Variants in ZNF618 observed in about 807,000 individuals in gnomAD.
The protein encoded by ZNF618 is neural precursor cell expressed, developmentally down-regulated 10.
Under a neutral mutation model 103.0 loss-of-function variants are expected in ZNF618, and 34 were observed. The observed-to-expected ratio is 0.33, with a 90% CI of 0.25 to 0.44. The LOEUF (loss-of-function observed/expected upper bound fraction) is 0.44, where lower values mean the gene tolerates loss of function less well. Among genes scored for constraint, ZNF618 ranks in the 20% least tolerant of loss-of-function variants. The pLI is 1.00. For missense variants in ZNF618, 1,059 were observed against 1,295.4 expected, an observed-to-expected ratio of 0.82 and a Z score of 2.80; for synonymous variants, 551 against 542.2, an observed-to-expected ratio of 1.02 and a Z score of -0.23.
At chr9:114,007,501 G>A in intron 7 of ZNF618, 62 bp downstream of exon 7, 1 of 1,509,194 alleles carries the variant, frequency 6.6e-7, no homozygotes. Flanking sequence ...GGAGACACCA[G>A]CCCCCAGCCC....
At chr9:114,007,245 A>C in intron 6 of ZNF618, 105 bp from the exon 7 acceptor site, 1 of 881,538 alleles carries the variant, frequency 1.1e-6, no homozygotes, top group Non-Finnish European at 1.8e-6. Context: ...CGCTAGCCAG[A>C]CTGGGCTAGT....
intron 1 of ZNF618, among the ~76,000 whole-genome samples, chr9:113,935,684 AT>A (rs745497377): frequency 1.3e-5 from 2 of 152,052 alleles, no homozygotes; most frequent in Non-Finnish European, 2.9e-5. Context: ...ATGAGTCTTA[AT>A]TGGCTCCATC....
At chr9:114,041,052 G>A (rs1032875290) in intron 13 of ZNF618, among the ~76,000 whole-genome samples, 114 of 152,250 alleles carry the variant, frequency 7.5e-4, no homozygotes, top group African/African-American at 2.6e-3. Context: ...ATCTCATTGT[G>A]GTTTTGATTT....
At chr9:113,919,418 T>C (rs1276152443) in intron 1 of ZNF618, among the ~76,000 whole-genome samples, 1 of 152,260 alleles carries the variant, frequency 6.6e-6, no homozygotes, top group Non-Finnish European at 1.5e-5. Flanking sequence ...CTCAGCCACA[T>C]TGGCTTTGAG....
At chr9:113,962,576 G>A (rs1351089448) in intron 1 of ZNF618, among the ~76,000 whole-genome samples, 2 of 152,190 alleles carry the variant, frequency 1.3e-5, no homozygotes, top group Non-Finnish European at 2.9e-5. Flanking sequence ...CTCTGCCCCA[G>A]GTATCCTGAC....
intron 1 of ZNF618, among the ~76,000 whole-genome samples, chr9:113,949,581 C>T (rs1835351977): frequency 6.6e-6 from 1 of 152,188 alleles, no homozygotes. Flanking sequence ...TCATCCTGAG[C>T]TCAGAGCTGC....
At chr9:114,016,940 A>G in intron 10 of ZNF618, 156 bp downstream of exon 10, 3 of 612,870 alleles carry the variant, frequency 4.9e-6, no homozygotes, top group Non-Finnish European at 8.6e-6. Context: ...ACCCAGGGCC[A>G]CCTGTCTACA....
intron 1 of ZNF618, among the ~76,000 whole-genome samples, chr9:113,929,010 C>T (rs1368740768): frequency 1.3e-5 from 2 of 152,118 alleles, no homozygotes; most frequent in African/African-American, 2.4e-5. Context: ...CTCTGGAGAA[C>T]AGCACACTCT....
intron 2 of ZNF618, among the ~76,000 whole-genome samples, chr9:113,972,310 A>T (rs1288855521): frequency 6.6e-6 from 1 of 152,182 alleles, no homozygotes; most frequent in Non-Finnish European, 1.5e-5. Context: ...TGGCCTCCCA[A>T]AGTGCTGGGA....
chr9:113,961,955 C>A (rs919030933), intron 1 of ZNF618, among the ~76,000 whole-genome samples: 4 of 152,188 alleles, frequency 2.6e-5, no homozygotes, highest in Non-Finnish European at 5.9e-5. Flanking sequence ...GAGGAAATGG[C>A]TGTGGACTTG....
At chr9:113,947,650 T>G (rs1267655448) in intron 1 of ZNF618, among the ~76,000 whole-genome samples, 1 of 152,188 alleles carries the variant, frequency 6.6e-6, no homozygotes, top group Non-Finnish European at 1.5e-5. Flanking sequence ...GAGTCAGGCC[T>G]TCGGGAGACC....
intron 1 of ZNF618, among the ~76,000 whole-genome samples, chr9:113,928,240 T>C (rs1833270590): frequency 6.6e-6 from 1 of 152,226 alleles, no homozygotes; most frequent in African/African-American, 2.4e-5. Context: ...TTGCTGTGTA[T>C]CTGATTTCTT....
At position 113,998,334 on chromosome 9, in the gene ZNF618, A is replaced by T. The variant is rs957818965; in HGVS notation, c.413A>T (p.Gln138Leu). 9.7e-6 allele frequency: 15 copies of T among 1,550,396 alleles called. No homozygotes were observed. The highest frequency in any genetic ancestry group is 1.1e-5 in the Non-Finnish European group (13 of 1,146,986). ...SRYSGTWIFD[Q>L]ALRYASGSYE... ...TATTCAGGGACCTGGATTTTTGACC[A>T]AGCATTGAGATATGCATCTGGTACG... Residue 138 changes from glutamine to leucine, a missense_variant, in exon 4 of 15, where the codon CAA (glutamine) becomes CTA (leucine). Physicochemically the swap from Gln to Leu is moderately radical, Grantham distance 113. This residue lies in a region of ZNF618 where 194 missense variants were observed against 209.0 expected (regional missense o/e 0.93). Transcript: ENST00000374126.
At position 113,998,316 on chromosome 9, in the gene ZNF618, G is replaced by C. The variant is rs1840831283; in HGVS notation, c.395G>C (p.Gly132Ala). Reference sequence around the variant, plus strand: ...GGATCTGTGCGAAGCCGGTATTCAGGGACCTGGATTTTTGACCAAGCATTG... The same window carrying C: ...GGATCTGTGCGAAGCCGGTATTCAGCGACCTGGATTTTTGACCAAGCATTG... The part of the protein sequence containing the change: ...HGGSVRSRYS[G>A]TWIFDQALRY... Residue 132 changes from glycine (G) to alanine (A), a missense_variant, in exon 4 of 15, where the codon GGG (glycine) becomes GCG (alanine). Physicochemically the swap from Gly to Ala is moderately conservative, Grantham distance 60 (BLOSUM62 0). Around this residue, in one of 6 missense-constraint regions of ZNF618, gnomAD observed 194 missense variants for 209.0 expected, o/e 0.93. Transcript: ENST00000374126. 1 of 1,550,596 alleles carries C rather than the reference G, an allele frequency of 6.4e-7. No individual in the cohort carries two copies. Among genetic ancestry groups the C allele is most frequent in the East Asian group, 2.4e-5 (1 of 40,920 alleles).
intron 2 of ZNF618, among the ~76,000 whole-genome samples, chr9:113,983,937 C>T (rs1362345847): frequency 6.6e-6 from 1 of 152,050 alleles, no homozygotes; most frequent in Admixed American, 6.6e-5. Context: ...AGGCATATGT[C>T]CCAGTGCCTG....
At chr9:113,909,155 C>A (rs1010935961) in intron 1 of ZNF618, among the ~76,000 whole-genome samples, 1 of 151,944 alleles carries the variant, frequency 6.6e-6, no homozygotes, top group East Asian at 2.0e-4. Flanking sequence ...TGAGGTGCCT[C>A]ATTTGGAAAA....
intron 1 of ZNF618, among the ~76,000 whole-genome samples, chr9:113,922,992 A>G (rs529511461): frequency 6.6e-6 from 1 of 152,128 alleles, no homozygotes; most frequent in East Asian, 1.9e-4. Flanking sequence ...AGAGTTTTGT[A>G]GTTTTCCGTG....
At chr9:114,041,178 G>GT (rs1038077133) in intron 13 of ZNF618, among the ~76,000 whole-genome samples, 3 of 151,816 alleles carry the variant, frequency 2.0e-5, no homozygotes, top group Non-Finnish European at 2.9e-5. Flanking sequence ...TGATGGGGTT[G>GT]TTTTTTTTCT....
intron 11 of ZNF618, among the ~76,000 whole-genome samples, chr9:114,032,293 A>G (rs1012320010): frequency 2.0e-5 from 3 of 152,200 alleles, no homozygotes; most frequent in Non-Finnish European, 2.9e-5. Context: ...TGGGCGGTAG[A>G]TCCAATGATT....
Sources: allele counts gnomAD v4.1 joint callset (sites outside exome capture counted in the v4.1 genomes callset), GRCh38; gene constraint gnomAD v4.1.1; regional missense constraint gnomAD v4.1.1; transcripts MANE v1.5; gene names NCBI Gene and HGNC (gene_info 2026-07-23, HGNC 2026-07-21).